NRCAM: variants seen among roughly 807,000 people sequenced by gnomAD.
NRCAM encodes NgCAM-related cell adhesion molecule.
In NRCAM, 83 loss-of-function variants were observed where a neutral mutation model predicts 156.5. That is an observed-to-expected ratio of 0.53 (90% confidence interval 0.44 to 0.64). NRCAM has a LOEUF of 0.64. Ranked by LOEUF, NRCAM falls within the 30% of genes least tolerant of loss-of-function variation. NRCAM has a pLI of 0.00. For missense variants in NRCAM, 1,417 were observed against 1,597.3 expected, an observed-to-expected ratio of 0.89 and a Z score of 1.92; for synonymous variants, 538 against 563.9, an observed-to-expected ratio of 0.95 and a Z score of 0.65.
intron 32 of NRCAM, among the ~76,000 whole-genome samples, chr7:108,155,227 A>G (rs1026068049): frequency 6.6e-6 from 1 of 151,678 alleles, no homozygotes; most frequent in African/African-American, 2.4e-5. Context: ...GTAAAAATTC[A>G]TTCACATTTT....
intron 11 of NRCAM, among the ~76,000 whole-genome samples, chr7:108,222,483 C>A (rs1272650261): frequency 1.3e-5 from 2 of 152,180 alleles, no homozygotes; most frequent in Admixed American, 6.5e-5. Flanking sequence ...ATACCTTCTG[C>A]TCCCAAAGGT....
At chr7:108,311,347 A>G (rs2098800363) in intron 3 of NRCAM, among the ~76,000 whole-genome samples, 1 of 152,136 alleles carries the variant, frequency 6.6e-6, no homozygotes, top group African/African-American at 2.4e-5. Flanking sequence ...TTACTATCAC[A>G]TTGCTTTACC....
intron 3 of NRCAM, among the ~76,000 whole-genome samples, chr7:108,292,133 T>G (rs560941529): frequency 6.6e-6 from 1 of 152,334 alleles, no homozygotes; most frequent in South Asian, 2.1e-4. Flanking sequence ...AATCAACTGT[T>G]TTTTAAAATG....
chr7:108,278,640 G>T (rs984612536), intron 3 of NRCAM, among the ~76,000 whole-genome samples: 1 of 152,184 alleles, frequency 6.6e-6, no homozygotes, highest in African/African-American at 2.4e-5. Context: ...GGAGCATACC[G>T]TTCCTCCAGA....
intron 2 of NRCAM, among the ~76,000 whole-genome samples, chr7:108,366,244 A>G (rs576737301): frequency 1.0e-3 from 156 of 152,326 alleles, no homozygotes; most frequent in African/African-American, 3.6e-3. Context: ...CAGCAGCACA[A>G]AAAGACCAAT....
At chr7:108,186,538 C>T (rs2066891557) in intron 20 of NRCAM, among the ~76,000 whole-genome samples, 1 of 152,144 alleles carries the variant, frequency 6.6e-6, no homozygotes, top group African/African-American at 2.4e-5. Context: ...AGGCCACCCT[C>T]ATCTCTTGTG....
At chr7:108,182,671 A>T (rs780341265) in intron 23 of NRCAM, 24 bp downstream of exon 23, 1 of 1,604,174 alleles carries the variant, frequency 6.2e-7, no homozygotes. Flanking sequence ...TTGCTGGGGA[A>T]AAGTAGGAAA....
intron 1 of NRCAM, among the ~76,000 whole-genome samples, chr7:108,447,303 T>C (rs1435838861): frequency 6.8e-6 from 1 of 147,940 alleles, no homozygotes; most frequent in African/African-American, 2.5e-5. Context: ...TCTCGCTCTA[T>C]TGCCCAGGCT....
rs745955517 is a variant in NRCAM at position 108,223,766 on chromosome 7, T to C, written c.849A>G (p.Leu283=). 7 of 1,610,392 alleles carry C rather than the reference T, an allele frequency of 4.3e-6. No homozygotes were observed. Among genetic ancestry groups the C allele is most frequent in the Non-Finnish European group, 5.9e-6 (7 of 1,176,816 alleles). ...PEGNASNKEE[L]RGNVLSLECI... ...ACTCCAGTGAAAGCACATTTCCTCT[T>C]AATTCCTCTTTGTTACTTGCATTGC... The change falls in exon 11 of 33, where the codon TTA becomes TTG. Residue 283 remains leucine, a synonymous_variant. Coordinates refer to ENST00000379028, the MANE Select transcript of NRCAM (RefSeq NM_001037132.4).
rs777601780 is a variant in NRCAM, at chr7:108,175,354, C to A, written c.3155G>T (p.Gly1052Val). 51 of 1,562,254 alleles carry A rather than the reference C, an allele frequency of 3.3e-5. No homozygotes were observed. The highest frequency in any genetic ancestry group is 4.4e-5 in the Non-Finnish European group (51 of 1,152,064). Residue 1052 changes from glycine (G) to valine (V), a missense_variant, in exon 28 of 33, where the codon GGT becomes GTT. Gly to Val is a moderately radical substitution (Grantham distance 109). This residue lies in a region of NRCAM where 1,238 missense variants were observed against 1,336.4 expected (regional missense o/e 0.93). Coordinates refer to ENST00000379028, the MANE Select transcript of NRCAM (RefSeq NM_001037132.4). ...EEAVTTVDEA[G>V]ILPPDVGAGK... ...TGCACCTACATCAGGTGGAAGAATA[C>A]CAGCTTTAATGAAGGGAAACAGAAA...
At chr7:108,447,608 G>T (rs948970109) in intron 1 of NRCAM, among the ~76,000 whole-genome samples, 2 of 152,052 alleles carry the variant, frequency 1.3e-5, no homozygotes, top group African/African-American at 4.8e-5. Context: ...TCAAGCTAGG[G>T]CCACCTGTAC....
chr7:108,258,284 C>G (rs1284299618), intron 3 of NRCAM, among the ~76,000 whole-genome samples: 1 of 152,230 alleles, frequency 6.6e-6, no homozygotes, highest in Non-Finnish European at 1.5e-5. Flanking sequence ...GGTGCTTTCT[C>G]TTAATTATTC....
At chr7:108,226,032 A>T (rs980128869) in intron 9 of NRCAM, among the ~76,000 whole-genome samples, 176 bp downstream of exon 9, 1 of 152,322 alleles carries the variant, frequency 6.6e-6, no homozygotes, top group African/African-American at 2.4e-5. Flanking sequence ...AAAATCCAAT[A>T]TTAAGGGTAT....
At chr7:108,226,824 C>T (rs2023503) in intron 8 of NRCAM, among the ~76,000 whole-genome samples, 21 of 150,480 alleles carry the variant, frequency 1.4e-4, no homozygotes, top group Middle Eastern at 3.6e-3. Context: ...TACGTGGAGA[C>T]CATCTAACAA....
At chr7:108,359,570 CAGGGCAT>C (rs1484444170) in intron 2 of NRCAM, among the ~76,000 whole-genome samples, 14 of 152,116 alleles carry the variant, frequency 9.2e-5, no homozygotes, top group African/African-American at 3.1e-4. Flanking sequence ...TTCTGGAACA[CAGGGCAT>C]AGAAGCGAAA....
intron 27 of NRCAM, 119 bp from the exon 28 acceptor site, chr7:108,175,476 G>A (rs2060128343): frequency 2.3e-6 from 2 of 877,836 alleles, no homozygotes; most frequent in Non-Finnish European, 3.5e-6. Context: ...AGAATGAAGT[G>A]TACCACATCA....
At chr7:108,297,092 T>C (rs1215011457) in intron 3 of NRCAM, among the ~76,000 whole-genome samples, 3 of 152,224 alleles carry the variant, frequency 2.0e-5, no homozygotes, top group Non-Finnish European at 4.4e-5. Context: ...AATCAGTCTT[T>C]GTAAACTTAT....
Position 108,400,203 on chromosome 7 carries a change from T to C in NRCAM, c.-331-610A>G, listed in dbSNP as rs887157401. On this transcript the variant is annotated intron_variant, in intron 1 of 32. Coordinates refer to ENST00000379028, the MANE Select transcript of NRCAM (RefSeq NM_001037132.4). Reference sequence around the variant, plus strand: ...GTTAAAGTGGAACAGAATAAAACCTTAATTAAACAGAAGCCAACTAACAGG... The same window carrying C: ...GTTAAAGTGGAACAGAATAAAACCTCAATTAAACAGAAGCCAACTAACAGG... Among the ~76,000 whole-genome samples, 13 of 152,336 alleles carry C rather than the reference T, an allele frequency of 8.5e-5. No homozygotes were observed. In the East Asian group the frequency reaches 2.5e-3, roughly 29 times the overall value.
At chr7:108,411,592 T>C (rs1338121928) in intron 1 of NRCAM, among the ~76,000 whole-genome samples, 1 of 152,140 alleles carries the variant, frequency 6.6e-6, no homozygotes, top group Non-Finnish European at 1.5e-5. Context: ...TGCAATGGCG[T>C]GATCTCAGCT....
Sources: gnomAD v4.1 joint callset for allele counts (sites outside exome capture counted in the v4.1 genomes callset) on GRCh38, gnomAD v4.1.1 for gene constraint, gnomAD v4.1.1 regional missense constraint, MANE v1.5 for transcripts, NCBI Gene and HGNC (gene_info 2026-07-23, HGNC 2026-07-21) for gene names.